OLFM3: variants seen among roughly 807,000 people sequenced by gnomAD.
OLFM3 encodes the protein olfactomedin 3, also known as noelin-3.
A neutral mutation model predicts 48.6 loss-of-function variants in OLFM3; 20 were observed. That is an observed-to-expected ratio of 0.41 (90% CI 0.29 to 0.60). The LOEUF is 0.60. Ranked by LOEUF, OLFM3 falls within the 20% of genes least tolerant of loss-of-function variation. The pLI is 0.28. For synonymous variants in OLFM3, 222 were observed against 198.1 expected (o/e 1.12, Z -1.01); for missense variants, 437 against 544.3 (o/e 0.80, Z 1.96).
chr1:101,897,160 A>G (rs535701928), intron 1 of OLFM3, among the ~76,000 whole-genome samples: 1 of 152,324 alleles, frequency 6.6e-6, no homozygotes, highest in South Asian at 2.1e-4. Flanking sequence ...GTAGAAAAGT[A>G]ATCTGTGATA....
chr1:101,846,057 A>C (rs1234978486), intron 1 of OLFM3, among the ~76,000 whole-genome samples: 1 of 152,194 alleles, frequency 6.6e-6, no homozygotes, highest in African/African-American at 2.4e-5. Flanking sequence ...TGAATTTGTA[A>C]ATTTCTATTT....
chr1:101,819,575 A>C (rs1654504977), intron 4 of OLFM3, among the ~76,000 whole-genome samples: 1 of 152,072 alleles, frequency 6.6e-6, no homozygotes, highest in African/African-American at 2.4e-5. Flanking sequence ...AGGGGGAGAT[A>C]AAAGATGTGG....
rs566618701 is a variant in OLFM3, at chr1:101,817,348, T to A, written c.592+7678A>T. The stretch of plus-strand genomic sequence containing the variant: ...GCAGTAAGATATGAAAACATTAGCA[T>A]TTATAAAATATTGTATGTGCACATT... On this transcript the variant is annotated intron_variant, in intron 4 of 5. Transcript: ENST00000370103. Among the ~76,000 whole-genome samples, 35 of 152,150 alleles carry A rather than the reference T, an allele frequency of 2.3e-4. 1 individual carries two copies. The highest frequency in any genetic ancestry group is 2.3e-3 in the Admixed American group (35 of 15,272).
At chr1:101,866,865 T>G (rs1656882004) in intron 1 of OLFM3, among the ~76,000 whole-genome samples, 1 of 152,152 alleles carries the variant, frequency 6.6e-6, no homozygotes, top group South Asian at 2.1e-4. Flanking sequence ...TTTAAAATAT[T>G]TATTGGTTTT....
intron 1 of OLFM3, among the ~76,000 whole-genome samples, chr1:101,861,500 A>G (rs947411861): frequency 3.9e-5 from 6 of 152,250 alleles, no homozygotes; most frequent in African/African-American, 1.2e-4. Context: ...AGGAAACACC[A>G]TAGAAGGTTC....
intron 1 of OLFM3, among the ~76,000 whole-genome samples, chr1:101,874,587 A>C (rs1192706788): frequency 1.3e-5 from 2 of 151,890 alleles, no homozygotes; most frequent in African/African-American, 4.8e-5. Context: ...TATACTAAAT[A>C]ATTTGATCAT....
intron 1 of OLFM3, among the ~76,000 whole-genome samples, chr1:101,868,108 C>G (rs960287829): frequency 6.6e-6 from 1 of 152,088 alleles, no homozygotes; most frequent in Non-Finnish European, 1.5e-5. Flanking sequence ...TATAAATAAT[C>G]CAGTCTCGGG....
At chr1:101,838,912 C>A (rs1333014169) in intron 1 of OLFM3, among the ~76,000 whole-genome samples, 1 of 152,216 alleles carries the variant, frequency 6.6e-6, no homozygotes, top group Non-Finnish European at 1.5e-5. Context: ...ATACTTTGTC[C>A]TAGGTTCTAG....
chr1:101,887,782 G>A (rs1006119219), intron 1 of OLFM3, among the ~76,000 whole-genome samples: 1 of 151,556 alleles, frequency 6.6e-6, no homozygotes, highest in Non-Finnish European at 1.5e-5. Context: ...CCTTAAAATT[G>A]TCTGTTAAAA....
chr1:101,909,535 G>C (rs1008196357), intron 1 of OLFM3, among the ~76,000 whole-genome samples: 1 of 152,090 alleles, frequency 6.6e-6, no homozygotes, highest in African/African-American at 2.4e-5. Flanking sequence ...AATTTAGTGT[G>C]TTTTGTTAGC....
chr1:101,937,499 T>C (rs2094411), intron 1 of OLFM3, among the ~76,000 whole-genome samples: 1 of 152,114 alleles, frequency 6.6e-6, no homozygotes, highest in East Asian at 1.9e-4. Context: ...TCTCGTGCTG[T>C]ACTTATGACA....
intron 4 of OLFM3, among the ~76,000 whole-genome samples, chr1:101,820,857 T>C (rs1654578019): frequency 6.6e-6 from 1 of 152,142 alleles, no homozygotes; most frequent in African/African-American, 2.4e-5. Context: ...TTATTGTTTC[T>C]CTCTAATCCA....
At chr1:101,950,443 C>CTTT (rs71088115) in intron 1 of OLFM3, among the ~76,000 whole-genome samples, 6 of 144,722 alleles carry the variant, frequency 4.1e-5, no homozygotes, top group South Asian at 2.2e-4. Flanking sequence ...TGCTTTCTTT[C>CTTT]TTTTTTTTTT....
intron 1 of OLFM3, among the ~76,000 whole-genome samples, chr1:101,991,902 A>G (rs1432549978): frequency 6.6e-6 from 1 of 151,932 alleles, no homozygotes; most frequent in Non-Finnish European, 1.5e-5. Flanking sequence ...TATCCAAGGA[A>G]GCTTGTCCTC....
intron 4 of OLFM3, among the ~76,000 whole-genome samples, chr1:101,811,323 C>T (rs1457354315): frequency 6.6e-6 from 1 of 151,714 alleles, no homozygotes; most frequent in Non-Finnish European, 1.5e-5. Flanking sequence ...TTTAGATGGC[C>T]AAACTAATGA....
At position 101,803,526 on chromosome 1, in the gene OLFM3, T is replaced by A. The variant is rs771228119; in HGVS notation, c.*712A>T. ...AGTTTATAATGCTTATGTAAAGGGG[T>A]AAGCCAAGAAGATTATTCTTGACCA... On this transcript the variant is annotated 3_prime_UTR_variant, in exon 6 of 6. Coordinates refer to ENST00000370103, the MANE Select transcript of OLFM3 (RefSeq NM_058170.4). 1 of 152,140 alleles carries A rather than the reference T, an allele frequency of 6.6e-6. No individual in the cohort carries two copies. The allele number at this position is 152,140 out of a possible 1,614,324, so 9.4% of individuals were successfully genotyped here.
chr1:101,838,869 A>G (rs1655570183), intron 1 of OLFM3, among the ~76,000 whole-genome samples: 1 of 152,240 alleles, frequency 6.6e-6, no homozygotes, highest in Non-Finnish European at 1.5e-5. Context: ...TTCTGTCTCT[A>G]GAATTCACAG....
At chr1:101,877,816 T>C (rs898772814) in intron 1 of OLFM3, among the ~76,000 whole-genome samples, 2 of 151,954 alleles carry the variant, frequency 1.3e-5, no homozygotes, top group African/African-American at 4.8e-5. Flanking sequence ...TTTTTCAAAT[T>C]TTATTTATAC....
intron 1 of OLFM3, among the ~76,000 whole-genome samples, chr1:101,986,278 G>A (rs758287344): frequency 2.0e-5 from 3 of 151,906 alleles, no homozygotes; most frequent in Non-Finnish European, 4.4e-5. Context: ...CTACATTTTT[G>A]AGAGATTGAT....
Sources: allele counts gnomAD v4.1 joint callset (sites outside exome capture counted in the v4.1 genomes callset), GRCh38; gene constraint gnomAD v4.1.1; transcripts MANE v1.5; gene names NCBI Gene and HGNC (gene_info 2026-07-23, HGNC 2026-07-21).